The following GPBP1L1 variants were observed in gnomAD, a reference collection of about 807,000 sequenced individuals.
GPBP1L1 encodes the protein GC-rich promoter binding protein 1 like 1, also known as vasculin-like protein 1.
A neutral mutation model predicts 52.5 loss-of-function variants in GPBP1L1; 23 were observed. The ratio of observed to expected loss-of-function variants is 0.44; its 90% CI spans 0.32 to 0.62. GPBP1L1 has a LOEUF of 0.62. Ranked by LOEUF, GPBP1L1 falls within the 20% of genes least tolerant of loss-of-function variation. The probability of loss-of-function intolerance (pLI) is 0.06; values close to 1 mark genes in which losing one functional copy is unlikely to be tolerated. For missense variants in GPBP1L1, 596 were observed against 579.3 expected (o/e 1.03, Z -0.30); for synonymous variants, 243 against 203.1 (o/e 1.20, Z -1.67).
intron 2 of GPBP1L1, among the ~76,000 whole-genome samples, chr1:45,668,391 C>G (rs936862183): frequency 1.3e-5 from 2 of 152,176 alleles, no homozygotes; most frequent in Non-Finnish European, 2.9e-5. Flanking sequence ...CAGTGGCTCA[C>G]GCCTGTCATC....
chr1:45,675,055 T>C (rs574769447), intron 2 of GPBP1L1, among the ~76,000 whole-genome samples: 209 of 152,260 alleles, frequency 1.4e-3, no homozygotes, highest in African/African-American at 4.8e-3. Context: ...TCTTGCTTCA[T>C]TGGGAGGCCG....
chr1:45,654,450 G>A, intron 6 of GPBP1L1, 93 bp downstream of exon 6: 1 of 1,197,450 alleles, frequency 8.4e-7, no homozygotes, highest in Non-Finnish European at 1.2e-6. Context: ...TCCTTTTTCT[G>A]TAATTTCTGA....
In GPBP1L1 at chr1:45,665,757, A is replaced by G. The variant is rs967737810; in HGVS notation, c.-1097-4532T>C. Reference sequence around the variant, plus strand: ...AGACGCCGTCTTAAAAAAAAAAAAAAAAAAAAAAAAGGAAAGTTTCCAAGT... The same window carrying G: ...AGACGCCGTCTTAAAAAAAAAAAAAGAAAAAAAAAAGGAAAGTTTCCAAGT... On this transcript the variant is annotated intron_variant, in intron 2 of 12. Transcript: ENST00000355105. 1.1e-4 allele frequency among the ~76,000 whole-genome samples: 17 copies of G among 151,588 alleles called. 1 individual carries two copies. Among genetic ancestry groups the G allele is most frequent in the Middle Eastern group, 6.3e-3 (2 of 316 alleles).
intron 8 of GPBP1L1, among the ~76,000 whole-genome samples, chr1:45,638,007 G>A (rs543661892): frequency 1.3e-5 from 2 of 152,164 alleles, no homozygotes; most frequent in African/African-American, 4.8e-5. Context: ...TCCATAGCCC[G>A]GCAGTTAACT....
chr1:45,665,992 C>A, intron 2 of GPBP1L1, among the ~76,000 whole-genome samples: 1 of 152,034 alleles, frequency 6.6e-6, no homozygotes, highest in East Asian at 1.9e-4. Context: ...TTCCCACCAA[C>A]AATACGACAG....
intron 10 of GPBP1L1, among the ~76,000 whole-genome samples, chr1:45,632,433 T>C (rs979733182): frequency 2.6e-5 from 4 of 152,036 alleles, no homozygotes; most frequent in African/African-American, 9.7e-5. Context: ...TAAATAAATA[T>C]GGCCACATGT....
At chr1:45,631,426 C>A (rs1644529998) in intron 10 of GPBP1L1, among the ~76,000 whole-genome samples, 1 of 152,030 alleles carries the variant, frequency 6.6e-6, no homozygotes, top group Non-Finnish European at 1.5e-5. Flanking sequence ...CCATGCCCGG[C>A]TAATTTTTCT....
At chr1:45,634,992 G>A (rs1644576307) in intron 8 of GPBP1L1, 1 of 152,154 alleles carries the variant, frequency 6.6e-6, no homozygotes, top group Non-Finnish European at 1.5e-5. Context: ...AGGACCTCCA[G>A]GACAAAGGGG....
chr1:45,660,148 T>G, intron 3 of GPBP1L1, 36 bp downstream of exon 3: 1 of 977,538 alleles, frequency 1.0e-6, no homozygotes, highest in Non-Finnish European at 1.2e-6. Flanking sequence ...ATACATAGAG[T>G]CTTCTTTCCA....
intron 2 of GPBP1L1, among the ~76,000 whole-genome samples, chr1:45,675,228 C>T (rs982548539): frequency 1.3e-5 from 2 of 151,698 alleles, no homozygotes; most frequent in Admixed American, 6.6e-5. Context: ...ACCCAGGAGG[C>T]GGAGGTTGCA....
chr1:45,629,454 T>TTCC (rs758811981), intron 12 of GPBP1L1, 122 bp downstream of exon 12: 2,079 of 117,338 alleles, frequency 0.018, 182 homozygotes, highest in African/African-American at 0.029. Context: ...ACTAAGGTAA[T>TTCC]CCCCCCCCCC....
intron 9 of GPBP1L1, 167 bp from the exon 10 acceptor site, chr1:45,633,814 T>C (rs1275512894): frequency 6.6e-6 from 5 of 757,474 alleles, no homozygotes; most frequent in Non-Finnish European, 6.2e-6. Context: ...GCAGGGTTTA[T>C]ATAGTTAAGA....
chr1:45,642,540 A>G lies in GPBP1L1; in HGVS notation c.478-41T>C, dbSNP rs373271510. On this transcript the variant is annotated intron_variant, in intron 6 of 12. Coordinates refer to ENST00000355105, the MANE Select transcript of GPBP1L1 (RefSeq NM_021639.5). ...TATGAATGGTTGATACAGAAAGCTG[A>G]TCATTTTGGCACTTTTCACAAAGTA... The G allele has an allele frequency of 2.0e-6, 3 of 1,522,382 alleles. No homozygotes were observed. In the African/African-American group the frequency reaches 4.1e-5, roughly 21 times the overall value. 94.3% of individuals were successfully genotyped at this position (1,522,382 alleles called of 1,614,324 possible).
intron 10 of GPBP1L1, among the ~76,000 whole-genome samples, chr1:45,632,058 T>C (rs1036997295): frequency 2.6e-5 from 4 of 152,004 alleles, no homozygotes; most frequent in African/African-American, 9.7e-5. Context: ...TTGTCTCTAC[T>C]ACATACAAAA....
At chr1:45,647,020 GCTGT>G (rs559685076) in intron 6 of GPBP1L1, among the ~76,000 whole-genome samples, 91 of 150,462 alleles carry the variant, frequency 6.0e-4, no homozygotes, top group South Asian at 1.3e-3. Flanking sequence ...ATTTTCCTTC[GCTGT>G]CTAATTCTTG....
chr1:45,683,440 C>A (rs1206675149), intron 2 of GPBP1L1, among the ~76,000 whole-genome samples: 1 of 150,896 alleles, frequency 6.6e-6, no homozygotes. Flanking sequence ...CTCCTGACCT[C>A]GTGATCCGCC....
At chr1:45,646,491 ATCCTT>A (rs1195745978) in intron 6 of GPBP1L1, among the ~76,000 whole-genome samples, 1 of 151,936 alleles carries the variant, frequency 6.6e-6, no homozygotes, top group African/African-American at 2.4e-5. Context: ...CATCCTGGCT[ATCCTT>A]TCAATTTGTA....
At chr1:45,683,822 T>C (rs995733724) in intron 2 of GPBP1L1, among the ~76,000 whole-genome samples, 7 of 150,302 alleles carry the variant, frequency 4.7e-5, no homozygotes, top group African/African-American at 1.7e-4. Flanking sequence ...CTAGGGAGGT[T>C]GAGGTGGGAG....
chr1:45,657,838 G>C (rs926969365), intron 4 of GPBP1L1, among the ~76,000 whole-genome samples: 9 of 152,146 alleles, frequency 5.9e-5, no homozygotes, highest in African/African-American at 1.7e-4. Flanking sequence ...CGGTGACAGA[G>C]ACCCTGTCTC....
Sources: allele counts gnomAD v4.1 joint callset (sites outside exome capture counted in the v4.1 genomes callset), GRCh38; gene constraint gnomAD v4.1.1; transcripts MANE v1.5; gene names NCBI Gene and HGNC (gene_info 2026-07-23, HGNC 2026-07-21).